USP48: variants seen among roughly 807,000 people sequenced by gnomAD.
USP48 encodes ubiquitin specific peptidase 48.
A neutral mutation model predicts 150.7 loss-of-function variants in USP48; 43 were observed. That is an observed-to-expected ratio of 0.29 (90% confidence interval 0.22 to 0.37). The LOEUF is 0.37. USP48 is among the 10% of genes least tolerant of loss of function. The probability of loss-of-function intolerance (pLI) is 1.00; values close to 1 mark genes in which losing one functional copy is unlikely to be tolerated. For missense variants in USP48, 813 were observed against 1,249.6 expected (o/e 0.65, Z 5.27); for synonymous variants, 396 against 425.9 (o/e 0.93, Z 0.86).
chr1:21,773,596 G>C (rs1264472606), intron 1 of USP48, among the ~76,000 whole-genome samples: 1 of 152,176 alleles, frequency 6.6e-6, no homozygotes, highest in Admixed American at 6.6e-5. Context: ...TGGAAGCTGG[G>C]AATAGAAATG....
chr1:21,694,608 C>CAAAA lies in USP48; in HGVS notation c.2883+457_2883+458insTTTT, dbSNP rs1491189889. 2.0e-3 allele frequency among the ~76,000 whole-genome samples: 57 copies of CAAAA among 28,998 alleles called. 3 individuals carry two copies. Among genetic ancestry groups the CAAAA allele is most frequent in the African/African-American group, 5.2e-3 (49 of 9,414 alleles). The allele number at this position is 28,998 out of a possible 152,430, so 19.0% of individuals were successfully genotyped here. A position where few individuals can be genotyped will look rare whatever the true frequency, so the allele number is the denominator to read the frequency against. ...AAAAAAAAAAAAAAAAAAAAAAAAA[C>CAAAA]CCCCTCTATCTATCAAATAGATTTA... On this transcript the variant is annotated intron_variant, in intron 23 of 26. Transcript: ENST00000308271.
At chr1:21,776,904 G>T (rs547958420) in intron 1 of USP48, among the ~76,000 whole-genome samples, 2 of 151,422 alleles carry the variant, frequency 1.3e-5, no homozygotes, top group African/African-American at 4.9e-5. Flanking sequence ...CCGAGTTTGT[G>T]CCGCTGCACT....
At chr1:21,757,862 A>AAGTGGTATCTCATTT in intron 1 of USP48, 79 bp from the exon 2 acceptor site, 1 of 1,463,356 alleles carries the variant, frequency 6.8e-7, no homozygotes, top group Non-Finnish European at 9.0e-7. Flanking sequence ...CTAAAATGAG[A>AAGTGGTATCTCATTT]TACCACTTCT....
chr1:21,693,441 G>C (rs548373751), intron 23 of USP48, among the ~76,000 whole-genome samples: 2 of 152,270 alleles, frequency 1.3e-5, no homozygotes, highest in East Asian at 3.9e-4. Flanking sequence ...CTTTGACTCT[G>C]TTTGGCCCGC....
intron 4 of USP48, 127 bp from the exon 5 acceptor site, chr1:21,752,778 C>T (rs2097819874): frequency 8.2e-7 from 1 of 1,225,058 alleles, no homozygotes; most frequent in South Asian, 1.7e-5. Flanking sequence ...ACAGGGGCTA[C>T]AGCTATGTTC....
chr1:21,748,329 A>G, intron 6 of USP48, 58 bp from the exon 7 acceptor site: 2 of 1,462,616 alleles, frequency 1.4e-6, no homozygotes, highest in Non-Finnish European at 1.9e-6. Flanking sequence ...AACAAGTGAT[A>G]AAACCCTTGA....
At chr1:21,718,733 T>C (rs953835573) in intron 14 of USP48, among the ~76,000 whole-genome samples, 2 of 152,006 alleles carry the variant, frequency 1.3e-5, no homozygotes, top group African/African-American at 4.8e-5. Flanking sequence ...AATTTTTGTA[T>C]TTTTAGTAGA....
intron 15 of USP48, 51 bp from the exon 16 acceptor site, chr1:21,706,919 T>C (rs1272136369): frequency 6.5e-7 from 1 of 1,547,022 alleles, no homozygotes; most frequent in East Asian, 2.3e-5. Flanking sequence ...TGAAAAAAAG[T>C]CATTATCTAT....
At chr1:21,758,301 A>G (rs2097841998) in intron 1 of USP48, among the ~76,000 whole-genome samples, 2 of 152,090 alleles carry the variant, frequency 1.3e-5, no homozygotes, top group African/African-American at 2.4e-5. Context: ...AAAAAGCAAA[A>G]TGCAAAGGAG....
chr1:21,778,386 AG>A (rs2097905493), intron 1 of USP48, among the ~76,000 whole-genome samples: 1 of 152,134 alleles, frequency 6.6e-6, no homozygotes, highest in Non-Finnish European at 1.5e-5. Flanking sequence ...TAACAAGTAT[AG>A]GGACATAGAG....
chr1:21,731,718 T>C (rs2097757382), intron 9 of USP48, among the ~76,000 whole-genome samples: 1 of 151,878 alleles, frequency 6.6e-6, no homozygotes, highest in Non-Finnish European at 1.5e-5. Context: ...CCGTATCTAC[T>C]AAAACTATAA....
intron 15 of USP48, among the ~76,000 whole-genome samples, chr1:21,714,250 A>G (rs548971014): frequency 3.3e-5 from 5 of 152,278 alleles, no homozygotes; most frequent in African/African-American, 1.2e-4. Flanking sequence ...TGACAAGCCA[A>G]CTTTTCTGTG....
chr1:21,770,152 G>C (rs1460191449), intron 1 of USP48, among the ~76,000 whole-genome samples: 1 of 138,926 alleles, frequency 7.2e-6, no homozygotes, highest in African/African-American at 2.6e-5. Context: ...TTGAGACCTC[G>C]TCCTCCACCA....
At chr1:21,707,510 A>G (rs1400663974) in intron 15 of USP48, among the ~76,000 whole-genome samples, 1 of 152,190 alleles carries the variant, frequency 6.6e-6, no homozygotes, top group South Asian at 2.1e-4. Context: ...GATCCCCTTC[A>G]ATCTTCAAAA....
In USP48 at chr1:21,757,734, T is replaced by G; in HGVS notation, c.184A>C (p.Ile62Leu). The change falls in exon 2 of 27, where the codon ATT becomes CTT. Residue 62 changes from isoleucine to leucine, a missense_variant. By Grantham distance (5) the Ile-to-Leu change is conservative. Coordinates refer to ENST00000308271, the MANE Select transcript of USP48 (RefSeq NM_032236.8). ...TTTTCATCTATTTCTCCTAACCAAA[T>G]ATGCTCACCAATACCAACCAAGCAA... is the stretch of plus-strand genomic sequence containing the variant. ...PNCLVGIGEH[I>L]WLGEIDENSF... The G allele has an allele frequency of 6.2e-7, 1 of 1,613,092 alleles. No individual in the cohort carries two copies. Among genetic ancestry groups the G allele is most frequent in the African/African-American group, 1.3e-5 (1 of 74,986 alleles).
At chr1:21,682,060 G>C (rs995379161) in intron 25 of USP48, among the ~76,000 whole-genome samples, 2 of 152,128 alleles carry the variant, frequency 1.3e-5, no homozygotes, top group Non-Finnish European at 2.9e-5. Context: ...GCTATTTACT[G>C]GGTCCACTGT....
chr1:21,706,305 T>C, intron 17 of USP48, 118 bp from the exon 18 acceptor site: 1 of 1,483,200 alleles, frequency 6.7e-7, no homozygotes, highest in South Asian at 1.3e-5. Context: ...GAAAACACAG[T>C]CCTCTACCAA....
Position 21,782,912 on chromosome 1 carries a change from C to G in USP48, c.46G>C (p.Glu16Gln), listed in dbSNP as rs1350017129. ...QLEKAAWRWAETVRPEEVSQE... is the reference protein window; with the variant it reads ...QLEKAAWRWAQTVRPEEVSQE... ...GACACCTCCTCGGGCCGCACCGTCT[C>G]CGCCCAGCGCCAGGCCGCCTTCTCC... is the stretch of plus-strand genomic sequence containing the variant. Residue 16 changes from glutamate (E) to glutamine (Q), a missense_variant, in exon 1 of 27, where the codon GAG becomes CAG. Glu to Gln is a conservative substitution (Grantham distance 29, BLOSUM62 2). Transcript: ENST00000308271. 1 of 1,551,304 alleles carries G rather than the reference C, an allele frequency of 6.4e-7. No individual in the cohort carries two copies.
intron 25 of USP48, among the ~76,000 whole-genome samples, chr1:21,684,343 A>C (rs1184641859): frequency 6.6e-6 from 1 of 152,176 alleles, no homozygotes; most frequent in Non-Finnish European, 1.5e-5. Context: ...ATGGTATCTC[A>C]CTGTGATTTT....
Sources: allele counts gnomAD v4.1 joint callset (sites outside exome capture counted in the v4.1 genomes callset), GRCh38; gene constraint gnomAD v4.1.1; transcripts MANE v1.5; gene names NCBI Gene and HGNC (gene_info 2026-07-23, HGNC 2026-07-21).